The following ELP4 variants were observed in gnomAD, a reference collection of about 807,000 sequenced individuals.
ELP4 encodes the protein elongator acetyltransferase complex subunit 4, also known as elongator complex protein 4.
ELP4 carries 51 observed loss-of-function variants against 48.9 expected under a neutral mutation model. The observed-to-expected ratio is 1.04, with a 90% confidence interval of 0.83 to 1.32. The LOEUF (loss-of-function observed/expected upper bound fraction) is 1.32, where lower values mean the gene tolerates loss of function less well. Ranked by LOEUF, ELP4 falls within the 40% of genes most tolerant of loss-of-function variation. The probability of loss-of-function intolerance (pLI) is 0.00; values close to 1 mark genes in which losing one functional copy is unlikely to be tolerated. For synonymous variants in ELP4, 210 were observed against 189.2 expected (o/e 1.11, Z -0.90); for missense variants, 519 against 514.6 (o/e 1.01, Z -0.08).
chr11:31,619,712 A>G (rs973649360), intron 5 of ELP4, among the ~76,000 whole-genome samples: 1 of 149,970 alleles, frequency 6.7e-6, no homozygotes, highest in South Asian at 2.1e-4. Context: ...CAGGTTTGTT[A>G]CATAAGCAAA....
chr11:31,766,811 G>C (rs1948051642), intron 9 of ELP4, among the ~76,000 whole-genome samples: 1 of 151,954 alleles, frequency 6.6e-6, no homozygotes, highest in Admixed American at 6.6e-5. Flanking sequence ...ATATTTGATT[G>C]GGTAAATGTT....
At chr11:31,751,048 G>C (rs1947708364) in intron 9 of ELP4, among the ~76,000 whole-genome samples, 1 of 152,156 alleles carries the variant, frequency 6.6e-6, no homozygotes, top group South Asian at 2.1e-4. Flanking sequence ...AAAGAACCTA[G>C]GATATCACCA....
intron 9 of ELP4, chr11:31,727,788 A>G (rs201083695): frequency 1.3e-5 from 2 of 152,222 alleles, no homozygotes; most frequent in African/African-American, 4.8e-5. Flanking sequence ...GTAACTTACC[A>G]CAGCCATAGG....
intron 3 of ELP4, among the ~76,000 whole-genome samples, chr11:31,547,348 C>T (rs1956749007): frequency 6.6e-6 from 1 of 152,120 alleles, no homozygotes; most frequent in African/African-American, 2.4e-5. Flanking sequence ...TCAGAGAATA[C>T]TACAAACACC....
intron 9 of ELP4, among the ~76,000 whole-genome samples, chr11:31,758,351 C>T (rs1426432108): frequency 6.6e-6 from 1 of 152,144 alleles, no homozygotes; most frequent in African/African-American, 2.4e-5. Flanking sequence ...GAAATGGAAT[C>T]TGTTTGAGTT....
chr11:31,575,750 C>A (rs1397084510), intron 3 of ELP4, among the ~76,000 whole-genome samples: 1 of 152,070 alleles, frequency 6.6e-6, no homozygotes, highest in Non-Finnish European at 1.5e-5. Context: ...TGAGAGATTT[C>A]GTTACCACCA....
chr11:31,768,143 C>T (rs1948076512), intron 9 of ELP4, among the ~76,000 whole-genome samples: 1 of 151,894 alleles, frequency 6.6e-6, no homozygotes, highest in East Asian at 1.9e-4. Flanking sequence ...CTAAATTTTA[C>T]CAAAGCTATT....
chr11:31,547,464 C>T (rs1165536743), intron 3 of ELP4, among the ~76,000 whole-genome samples: 1 of 152,134 alleles, frequency 6.6e-6, no homozygotes, highest in East Asian at 1.9e-4. Flanking sequence ...AATAGACCAA[C>T]AACAGGAGCT....
intron 9 of ELP4, among the ~76,000 whole-genome samples, chr11:31,737,445 G>T (rs1947344731): frequency 6.6e-6 from 1 of 151,680 alleles, no homozygotes. Context: ...TTGTGCACAT[G>T]TACCCTAAAA....
intron 9 of ELP4, among the ~76,000 whole-genome samples, chr11:31,782,981 T>C (rs1948413110): frequency 6.6e-6 from 1 of 152,190 alleles, no homozygotes; most frequent in South Asian, 2.1e-4. Context: ...CATTTGACCT[T>C]AAAAATTGCA....
chr11:31,655,128 C>T (rs1303903175), intron 9 of ELP4, among the ~76,000 whole-genome samples: 3 of 151,950 alleles, frequency 2.0e-5, no homozygotes, highest in African/African-American at 7.2e-5. Flanking sequence ...TACATGTGTA[C>T]ATTTTGATAT....
At chr11:31,702,592 A>C (rs1418865553) in intron 9 of ELP4, among the ~76,000 whole-genome samples, 1 of 152,118 alleles carries the variant, frequency 6.6e-6, no homozygotes, top group Non-Finnish European at 1.5e-5. Context: ...ATATATTTAA[A>C]ATCTGATTCG....
intron 2 of ELP4, among the ~76,000 whole-genome samples, chr11:31,537,061 T>C (rs1260451046): frequency 6.6e-6 from 1 of 152,218 alleles, no homozygotes; most frequent in Non-Finnish European, 1.5e-5. Context: ...ACTCCAAGGT[T>C]GCAAAGAAGG....
At chr11:31,536,330 C>G (rs1325279096) in intron 2 of ELP4, among the ~76,000 whole-genome samples, 2 of 151,968 alleles carry the variant, frequency 1.3e-5, no homozygotes, top group Non-Finnish European at 2.9e-5. Flanking sequence ...TTTTTGGAAA[C>G]TGCCAAACTG....
rs1268514275 is a variant in ELP4 at position 31,785,635 on chromosome 11, G to T, written c.*2111G>T. 1.0e-5 allele frequency: 2 copies of T among 196,928 alleles called. No homozygotes were observed. The highest frequency in any genetic ancestry group is 2.1e-5 in the Non-Finnish European group (2 of 95,100). The allele number at this position is 196,928 out of a possible 1,614,324, so 12.2% of individuals were successfully genotyped here. On this transcript the variant is annotated 3_prime_UTR_variant, in exon 10 of 10. Coordinates refer to ENST00000640961, the MANE Select transcript of ELP4 (RefSeq NM_019040.5). ...AAGTGCTTTGTTTTTCTAATTCACT[G>T]GGCCGGCTTTGTAAAAATAAGCTAC...
At chr11:31,615,716 T>G (rs996794487) in intron 5 of ELP4, among the ~76,000 whole-genome samples, 1 of 152,004 alleles carries the variant, frequency 6.6e-6, no homozygotes, top group African/African-American at 2.4e-5. Context: ...CACACACAAC[T>G]TAGCTCACTT....
In ELP4 at chr11:31,762,899, C is replaced by T. The variant is rs539227348; in HGVS notation, c.1144-20494C>T. Among the ~76,000 whole-genome samples the T allele has an allele frequency of 3.3e-5, 5 of 151,508 alleles. No homozygotes were observed. In the East Asian group the frequency reaches 9.7e-4, roughly 29 times the overall value. ...AATATAAATAATGATCAACCTGATA[C>T]AGATTTTATACCTTGAATATTATAT... is the stretch of plus-strand genomic sequence containing the variant. On this transcript the variant is annotated intron_variant, in intron 9 of 9. Transcript: ENST00000640961.
chr11:31,528,258 G>A (rs1387112814), intron 2 of ELP4, among the ~76,000 whole-genome samples: 1 of 152,070 alleles, frequency 6.6e-6, no homozygotes, highest in Non-Finnish European at 1.5e-5. Context: ...GGAGCATAAT[G>A]AATAAATGAG....
At chr11:31,692,370 A>G (rs1184201382) in intron 9 of ELP4, among the ~76,000 whole-genome samples, 1 of 152,208 alleles carries the variant, frequency 6.6e-6, no homozygotes, top group Non-Finnish European at 1.5e-5. Context: ...ATGATCTAGA[A>G]TCTAAAAAAC....
Sources: allele counts gnomAD v4.1 joint callset (sites outside exome capture counted in the v4.1 genomes callset), GRCh38; gene constraint gnomAD v4.1.1; transcripts MANE v1.5; gene names NCBI Gene and HGNC (gene_info 2026-07-23, HGNC 2026-07-21).